Variants in IL9 observed in about 807,000 individuals in gnomAD.
The protein encoded by IL9 is interleukin 9, also known as interleukin-9.
A neutral mutation model predicts 12.9 loss-of-function variants in IL9; 16 were observed. The ratio of observed to expected loss-of-function variants is 1.24; its 90% CI spans 0.84 to 1.88. IL9 has a LOEUF of 1.88. IL9 is among the 40% of genes most tolerant of loss of function. IL9 has a pLI of 0.00. For missense variants in IL9, 170 were observed against 173.1 expected (o/e 0.98, Z 0.10); for synonymous variants, 69 against 63.8 (o/e 1.08, Z -0.39).
Position 135,892,500 on chromosome 5 carries a change from C to T in IL9, c.326G>A (p.Cys109Tyr), listed in dbSNP as rs752950009. Reference sequence around the variant, plus strand: ...CGTGGTTTGGTTGCATGGCTGTTCACAGGAAAAATACTGTGGGGATGAAAG... The same window carrying T: ...CGTGGTTTGGTTGCATGGCTGTTCATAGGAAAAATACTGTGGGGATGAAAG... ...LKNNKCPYFS[C>Y]EQPCNQTTAG... Residue 109 changes from cysteine to tyrosine, a missense_variant, in exon 5 of 5, where the codon TGT (cysteine) becomes TAT (tyrosine). Physicochemically the swap from Cys to Tyr is radical, Grantham distance 194. Coordinates refer to ENST00000274520, the MANE Select transcript of IL9 (RefSeq NM_000590.2). 1.3e-5 allele frequency: 21 copies of T among 1,611,948 alleles called. No homozygotes were observed. The Admixed American group carries it at 3.5e-4, about 27-fold the overall frequency.
chr5:135,892,733 T>C (rs1015674026), intron 4 of IL9, among the ~76,000 whole-genome samples: 6 of 137,872 alleles, frequency 4.4e-5, no homozygotes, highest in Non-Finnish European at 1.5e-5. Flanking sequence ...CAGGGGTCTT[T>C]ACACACACAC....
intron 3 of IL9, 43 bp from the exon 4 acceptor site, chr5:135,894,194 C>T: frequency 6.3e-7 from 1 of 1,583,270 alleles, no homozygotes; most frequent in Non-Finnish European, 8.6e-7. Context: ...ATTCTGAGGA[C>T]AGCTTTGGAA....
At chr5:135,892,538 G>C in intron 4 of IL9, 28 bp from the exon 5 acceptor site, 1 of 1,596,176 alleles carries the variant, frequency 6.3e-7, no homozygotes, top group Non-Finnish European at 8.5e-7. Flanking sequence ...GATAAGGACA[G>C]AGTGACTCAA....
rs59978451 is a variant in IL9, at chr5:135,892,733, T to TACACACAC, written c.316-231_316-224dup. Among the ~76,000 whole-genome samples, 708 of 137,862 alleles carry TACACACAC rather than the reference T, an allele frequency of 5.1e-3. 5 individuals carry two copies. Among genetic ancestry groups the TACACACAC allele is most frequent in the East Asian group, 0.012 (56 of 4,558 alleles). 90.4% of individuals were successfully genotyped at this position (137,862 alleles called of 152,430 possible). ...CCTCAAATTGGATTTCAGGGGTCTT[T>TACACACAC]ACACACACACACACACACACACACA... On this transcript the variant is annotated intron_variant, in intron 4 of 4. Coordinates refer to ENST00000274520, the MANE Select transcript of IL9 (RefSeq NM_000590.2).
chr5:135,895,625 G>C (rs771129561), intron 1 of IL9, 35 bp from the exon 2 acceptor site: 7 of 1,613,314 alleles, frequency 4.3e-6, no homozygotes, highest in Non-Finnish European at 5.1e-6. Flanking sequence ...CCTTTAGTCA[G>C]CCCCGAGTTT....
rs1449215240 is a variant in IL9, at chr5:135,895,782, A to G, written c.35T>C (p.Leu12Pro). 3 of 1,614,038 alleles carry G rather than the reference A, an allele frequency of 1.9e-6. No individual in the cohort carries two copies. In the South Asian group the frequency reaches 3.3e-5, roughly 18 times the overall value. ...LLAMVLTSALLLCSVAGQGCP... is the reference protein window; with the variant it reads ...LLAMVLTSALPLCSVAGQGCP... ...CCCCTGGCCTGCCACGGAGCACAGGAGCAGGGCAGAGGTAAGGACCATGGC... is the reference window on the plus strand; with the variant it reads ...CCCCTGGCCTGCCACGGAGCACAGGGGCAGGGCAGAGGTAAGGACCATGGC... The change falls in exon 1 of 5, where the codon CTC (leucine) becomes CCC (proline). Residue 12 changes from leucine to proline, a missense_variant. Leu to Pro is a moderately conservative substitution (Grantham distance 98, BLOSUM62 -3). Coordinates refer to ENST00000274520, the MANE Select transcript of IL9 (RefSeq NM_000590.2).
intron 4 of IL9, among the ~76,000 whole-genome samples, chr5:135,893,417 A>C (rs559695316): frequency 6.6e-6 from 1 of 151,878 alleles, no homozygotes; most frequent in African/African-American, 2.4e-5. Context: ...TTGGAGAGCA[A>C]CCTGGCCAAC....
chr5:135,894,233 A>T (rs993248636), intron 3 of IL9, 82 bp from the exon 4 acceptor site: 30 of 1,330,034 alleles, frequency 2.3e-5, no homozygotes, highest in Non-Finnish European at 3.1e-5. Context: ...TATAATAGAG[A>T]TGATTTTTAT....
Position 135,894,083 on chromosome 5 carries a change from T to C in IL9, c.252A>G (p.Arg84=). Residue 84 remains arginine (R), a synonymous_variant, in exon 4 of 5, where the codon AGA becomes AGG. Transcript: ENST00000274520. ...TCACCCGACTGAAAATCAGTGGGTA[T>C]CTTGTTTGCATGGTGGTATTGGTCA... ...SQMTNTTMQT[R]YPLIFSRVKK... is the part of the protein sequence containing the mutation. 2.5e-6 allele frequency: 4 copies of C among 1,613,500 alleles called. No individual in the cohort carries two copies. The highest frequency in any genetic ancestry group is 3.4e-6 in the Non-Finnish European group (4 of 1,179,620).
chr5:135,892,699 G>T (rs2069884), intron 4 of IL9, among the ~76,000 whole-genome samples, 189 bp from the exon 5 acceptor site: 18,758 of 148,944 alleles, frequency 0.13, 1,232 homozygotes, highest in Middle Eastern at 0.14. Flanking sequence ...AGACAGCATA[G>T]GTGGTTGACC....
At position 135,892,376 on chromosome 5, in the gene IL9, A is replaced by C. The variant is rs1216140824; in HGVS notation, c.*15T>G. The stretch of plus-strand genomic sequence containing the variant: ...CTTTTTAAATTTAATAAATAGGATA[A>C]ATAATATTTCATCTTCATATCTTGC... On this transcript the variant is annotated 3_prime_UTR_variant, in exon 5 of 5. Coordinates refer to ENST00000274520, the MANE Select transcript of IL9 (RefSeq NM_000590.2). The C allele has an allele frequency of 2.6e-6, 4 of 1,564,872 alleles. No individual in the cohort carries two copies. Among genetic ancestry groups the C allele is most frequent in the Non-Finnish European group, 3.5e-6 (4 of 1,151,976 alleles).
Position 135,892,470 on chromosome 5 carries a change from C to A in IL9, c.356G>T (p.Gly119Val), listed in dbSNP as rs1762883599. ...ACTCTTCAGAAATGTCAGCGCGTTG[C>A]CTGCCGTGGTTTGGTTGCATGGCTG... ...CEQPCNQTTA[G>V]NALTFLKSLL... The change falls in exon 5 of 5, where the codon GGC becomes GTC. Residue 119 changes from glycine (G) to valine (V), a missense_variant. Gly to Val is a moderately radical substitution (Grantham distance 109, BLOSUM62 -3). Transcript: ENST00000274520. 6.2e-7 allele frequency: 1 copy of A among 1,613,418 alleles called. No individual in the cohort carries two copies. The highest frequency in any genetic ancestry group is 8.5e-7 in the Non-Finnish European group (1 of 1,179,714).
At position 135,892,934 on chromosome 5, in the gene IL9, G is replaced by C. The variant is rs2069883; in HGVS notation, c.316-424C>G. 5.8e-3 allele frequency among the ~76,000 whole-genome samples: 883 copies of C among 152,300 alleles called. 12 individuals carry two copies. Among genetic ancestry groups the C allele is most frequent in the African/African-American group, 0.021 (856 of 41,562 alleles). On this transcript the variant is annotated intron_variant, in intron 4 of 4. Transcript: ENST00000274520. ...TGGGGCTCTGAGGTCATATAGGCCT[G>C]AGTTCAAATCTCAGCTCTGCCACTT... is the stretch of plus-strand genomic sequence containing the variant.
At chr5:135,893,987 A>T in intron 4 of IL9, 33 bp downstream of exon 4, 1 of 1,588,128 alleles carries the variant, frequency 6.3e-7, no homozygotes, top group Non-Finnish European at 8.6e-7. Context: ...GAAATCACCA[A>T]CAGGAACATA....
intron 4 of IL9, 130 bp from the exon 5 acceptor site, chr5:135,892,640 G>C: frequency 2.0e-6 from 2 of 992,922 alleles, no homozygotes; most frequent in Non-Finnish European, 2.9e-6. Context: ...AGTGGCTTGA[G>C]ACACAGAGCA....
chr5:135,894,437 G>A (rs1043452805), intron 3 of IL9, among the ~76,000 whole-genome samples: 14 of 152,158 alleles, frequency 9.2e-5, no homozygotes, highest in Non-Finnish European at 1.5e-4. Context: ...TCTTTTCAAC[G>A]GGTGCTTCCC....
At chr5:135,895,234 G>T (rs1466581940) in intron 3 of IL9, among the ~76,000 whole-genome samples, 1 of 152,074 alleles carries the variant, frequency 6.6e-6, no homozygotes, top group African/African-American at 2.4e-5. Context: ...TAAATACAAA[G>T]AAATGTTCAT....
chr5:135,895,475 G>A lies in IL9; in HGVS notation c.151-3C>T. On this transcript the variant is annotated splice_polypyrimidine_tract_variant and splice_region_variant and intron_variant, in intron 2 of 4. Coordinates refer to ENST00000274520, the MANE Select transcript of IL9 (RefSeq NM_000590.2). ...CCCAAACAGAGACAACTGGTCACCT[G>A]CAAGGGAAATTTCAGAGTGAAGATT... The A allele has an allele frequency of 6.2e-7, 1 of 1,613,878 alleles. No individual in the cohort carries two copies. Among genetic ancestry groups the A allele is most frequent in the East Asian group, 2.2e-5 (1 of 44,884 alleles).
Position 135,895,764 on chromosome 5 carries a change from C to T in IL9, c.53G>A (p.Gly18Asp). The change falls in exon 1 of 5, where the codon GGC (glycine) becomes GAC (aspartate). Residue 18 changes from glycine to aspartate, a missense_variant. Physicochemically the swap from Gly to Asp is moderately conservative, Grantham distance 94. Transcript: ENST00000274520. ...TSALLLCSVA[G>D]QGCPTLAGIL... ...CCCCGCCAAGGTTGGACACCCCTGG[C>T]CTGCCACGGAGCACAGGAGCAGGGC... The T allele has an allele frequency of 6.2e-7, 1 of 1,614,134 alleles. No individual in the cohort carries two copies. Among genetic ancestry groups the T allele is most frequent in the Non-Finnish European group, 8.5e-7 (1 of 1,180,016 alleles).
Sources: allele counts gnomAD v4.1 joint callset (sites outside exome capture counted in the v4.1 genomes callset), GRCh38; gene constraint gnomAD v4.1.1; transcripts MANE v1.5; gene names NCBI Gene and HGNC (gene_info 2026-07-23, HGNC 2026-07-21).